The following LINGO2 variants were observed in gnomAD, a reference collection of about 807,000 sequenced individuals.
LINGO2 encodes leucine rich repeat and Ig domain containing 2, also known as leucine-rich repeat and immunoglobulin-like domain-containing nogo receptor-interacting protein 2.
A neutral mutation model predicts 30.6 loss-of-function variants in LINGO2; 14 were observed. That is an observed-to-expected ratio of 0.46 (90% confidence interval 0.30 to 0.72). The LOEUF (loss-of-function observed/expected upper bound fraction) is 0.72. Ranked by LOEUF, LINGO2 falls within the 30% of genes least tolerant of loss-of-function variation. The pLI, the probability that LINGO2 is intolerant of heterozygous loss-of-function variation, is 0.07. For missense variants in LINGO2, 729 were observed against 751.7 expected (o/e 0.97, Z 0.35); for synonymous variants, 317 against 288.5 (o/e 1.10, Z -1.00).
chr9:29,127,152 C>T, the LINGO2 span, among the ~76,000 whole-genome samples: 1 of 152,064 alleles, frequency 6.6e-6, no homozygotes, highest in African/African-American at 2.4e-5. Context: ...AGTATTTAAG[C>T]CCCAGAAAAT....
chr9:28,767,975 C>G, the LINGO2 span, among the ~76,000 whole-genome samples: 1 of 151,990 alleles, frequency 6.6e-6, no homozygotes, highest in African/African-American at 2.4e-5. Context: ...GTTTCCTCTC[C>G]TTTGGTGGCG....
the LINGO2 span, among the ~76,000 whole-genome samples, chr9:28,750,504 C>T: frequency 7.2e-5 from 11 of 152,190 alleles, no homozygotes; most frequent in East Asian, 2.1e-3. Context: ...GCTCTGGGCC[C>T]TCAGAGATCC....
chr9:28,461,826 G>A (rs1171905807), intron 2 of LINGO2, among the ~76,000 whole-genome samples: 1 of 152,076 alleles, frequency 6.6e-6, no homozygotes, highest in Non-Finnish European at 1.5e-5. Flanking sequence ...AGTAATTGTT[G>A]TGCAGTCTAT....
At chr9:28,769,975 GT>G in the LINGO2 span, among the ~76,000 whole-genome samples, 1 of 151,974 alleles carries the variant, frequency 6.6e-6, no homozygotes, top group Admixed American at 6.6e-5. Context: ...CTCTTCTGTT[GT>G]TTTAAGGTAG....
chr9:28,629,264 A>G (rs1354116028), intron 1 of LINGO2, among the ~76,000 whole-genome samples: 3 of 152,084 alleles, frequency 2.0e-5, no homozygotes, highest in Non-Finnish European at 1.5e-5. Flanking sequence ...AATAGATGGG[A>G]GCCACTGGAC....
At chr9:28,341,421 A>C (rs1169884075) in intron 3 of LINGO2, among the ~76,000 whole-genome samples, 1 of 152,126 alleles carries the variant, frequency 6.6e-6, no homozygotes, top group Non-Finnish European at 1.5e-5. Flanking sequence ...TTATTTCACA[A>C]AATACAACTC....
At chr9:28,736,457 T>G in the LINGO2 span, among the ~76,000 whole-genome samples, 141,517 of 152,226 alleles carry the variant, frequency 0.93, 66,511 homozygotes, top group Non-Finnish European at 1. Flanking sequence ...ACTTCTTCAT[T>G]TATAAACTGT....
chr9:28,388,282 G>A (rs1821681722), intron 2 of LINGO2, among the ~76,000 whole-genome samples: 1 of 152,046 alleles, frequency 6.6e-6, no homozygotes, highest in African/African-American at 2.4e-5. Context: ...CCCATTATGT[G>A]AAAATACCCC....
chr9:28,545,390 G>T (rs1019828014), intron 1 of LINGO2, among the ~76,000 whole-genome samples: 14 of 152,032 alleles, frequency 9.2e-5, no homozygotes, highest in African/African-American at 3.1e-4. Context: ...AATATGAACT[G>T]GCCCAATTAA....
intron 4 of LINGO2, among the ~76,000 whole-genome samples, chr9:28,105,994 C>T (rs1826579946): frequency 6.6e-6 from 1 of 152,062 alleles, no homozygotes; most frequent in Non-Finnish European, 1.5e-5. Flanking sequence ...GCAAGCATTA[C>T]CAACAGAGCT....
At chr9:28,520,693 A>C (rs1820796581) in intron 1 of LINGO2, among the ~76,000 whole-genome samples, 1 of 152,160 alleles carries the variant, frequency 6.6e-6, no homozygotes, top group Non-Finnish European at 1.5e-5. Flanking sequence ...GGAATTAATA[A>C]ATTATTGCAT....
At chr9:28,472,254 A>G (rs935633501) in intron 2 of LINGO2, among the ~76,000 whole-genome samples, 6 of 152,136 alleles carry the variant, frequency 3.9e-5, no homozygotes, top group African/African-American at 1.2e-4. Context: ...ATATACCAGA[A>G]AACAGAAGAG....
intron 1 of LINGO2, among the ~76,000 whole-genome samples, chr9:28,668,622 G>A (rs185455351): frequency 1.4e-4 from 22 of 151,820 alleles, no homozygotes; most frequent in Admixed American, 1.2e-3. Flanking sequence ...TTCACAATCA[G>A]AGATATATTG....
intron 1 of LINGO2, among the ~76,000 whole-genome samples, chr9:28,536,030 A>G (rs1001376662): frequency 2.0e-4 from 30 of 152,248 alleles, no homozygotes; most frequent in Middle Eastern, 3.4e-3. Context: ...TTTTGTTTTT[A>G]ATAATTAGAT....
intron 3 of LINGO2, among the ~76,000 whole-genome samples, chr9:28,313,477 A>T (rs1234072698): frequency 6.6e-5 from 10 of 152,210 alleles, no homozygotes; most frequent in Non-Finnish European, 1.5e-5. Context: ...AATTTGGAAA[A>T]TAGTTGACTG....
the LINGO2 span, among the ~76,000 whole-genome samples, chr9:28,714,188 T>TATATAG: frequency 1.4e-5 from 1 of 73,366 alleles, no homozygotes; most frequent in Non-Finnish European, 2.5e-5. Context: ...TATATATATA[T>TATATAG]ACACACATAC....
chr9:28,300,043 A>G (rs867506200), intron 3 of LINGO2, among the ~76,000 whole-genome samples: 1 of 152,042 alleles, frequency 6.6e-6, no homozygotes, highest in African/African-American at 2.4e-5. Context: ...CAAACAAAAT[A>G]ACAGGATTTT....
chr9:29,203,407 C>T, the LINGO2 span, among the ~76,000 whole-genome samples: 1 of 152,264 alleles, frequency 6.6e-6, no homozygotes. Flanking sequence ...TGGTTAAGGC[C>T]ACTTACAGAA....
the LINGO2 span, among the ~76,000 whole-genome samples, chr9:28,919,434 A>G: frequency 2.0e-4 from 31 of 152,308 alleles, no homozygotes; most frequent in African/African-American, 7.5e-4. Flanking sequence ...AGTGCCATGT[A>G]TAACATAGCA....
Sources: gnomAD v4.1 joint callset for allele counts (sites outside exome capture counted in the v4.1 genomes callset) on GRCh38, gnomAD v4.1.1 for gene constraint, MANE v1.5 for transcripts, NCBI Gene and HGNC (gene_info 2026-07-23, HGNC 2026-07-21) for gene names.